PIK3C2G: variants seen among roughly 807,000 people sequenced by gnomAD.
PIK3C2G encodes phosphatidylinositol-4-phosphate 3-kinase catalytic subunit type 2 gamma.
Under a neutral mutation model 181.1 loss-of-function variants are expected in PIK3C2G, and 168 were observed. That is an observed-to-expected ratio of 0.93 (90% CI 0.82 to 1.05). The LOEUF (loss-of-function observed/expected upper bound fraction) is 1.05. Among genes scored for constraint, PIK3C2G ranks in the 50% least tolerant of loss-of-function variants. The pLI is 0.00. For synonymous variants in PIK3C2G, 573 were observed against 592.2 expected (o/e 0.97, Z 0.47); for missense variants, 1,869 against 1,732.8 (o/e 1.08, Z -1.40).
intron 18 of PIK3C2G, among the ~76,000 whole-genome samples, chr12:18,441,000 C>G (rs1195043789): frequency 6.6e-6 from 1 of 151,932 alleles, no homozygotes; most frequent in Non-Finnish European, 1.5e-5. Flanking sequence ...AAAAGAAGTC[C>G]AAATATTTAG....
chr12:18,596,833 T>A (rs886211542), intron 30 of PIK3C2G, among the ~76,000 whole-genome samples: 1 of 152,034 alleles, frequency 6.6e-6, no homozygotes, highest in African/African-American at 2.4e-5. Context: ...TATCCATGGG[T>A]TGAAGTATGG....
chr12:18,588,802 T>C (rs1324136844), intron 29 of PIK3C2G, among the ~76,000 whole-genome samples: 1 of 152,122 alleles, frequency 6.6e-6, no homozygotes. Context: ...TGTAGGCTTA[T>C]TGCAACACTA....
the PIK3C2G span, among the ~76,000 whole-genome samples, chr12:18,722,682 A>G: frequency 6.6e-6 from 1 of 152,062 alleles, no homozygotes; most frequent in Admixed American, 6.6e-5. Context: ...GTTTTTACCC[A>G]TTGAAAGATG....
intron 30 of PIK3C2G, among the ~76,000 whole-genome samples, chr12:18,595,631 CTAGT>C (rs1480178393): frequency 6.6e-6 from 1 of 152,104 alleles, no homozygotes; most frequent in Non-Finnish European, 1.5e-5. Flanking sequence ...TCTCTCTTCT[CTAGT>C]TAAACCTTCT....
At position 18,569,238 on chromosome 12, in the gene PIK3C2G, G is replaced by A. The variant is rs144283626; in HGVS notation, c.4011+2181G>A. On this transcript the variant is annotated intron_variant, in intron 29 of 32. Coordinates refer to ENST00000538779, the MANE Select transcript of PIK3C2G (RefSeq NM_001288772.2). ...AAGCTGACCTACCCTGAGTCTGCCC[G>A]GCAGAGAAACCAAAAAGATCAAATC... 9.2e-3 allele frequency among the ~76,000 whole-genome samples: 1,405 copies of A among 152,000 alleles called. 11 individuals carry two copies. Among genetic ancestry groups the A allele is most frequent in the Middle Eastern group, 0.041 (12 of 294 alleles).
At chr12:18,651,189 C>A (rs1565603396), downstream of PIK3C2G, among the ~76,000 whole-genome samples, 3 of 152,012 alleles carry the variant, frequency 2.0e-5, no homozygotes, top group Admixed American at 6.6e-5. Flanking sequence ...ACGCTTCATC[C>A]CTGGGATCTT....
the PIK3C2G span, chr12:18,723,573 T>C: frequency 6.6e-7 from 1 of 1,512,126 alleles, no homozygotes; most frequent in Non-Finnish European, 9.2e-7. Context: ...GGGCTCACAT[T>C]GTGAGTATAA....
At chr12:18,694,803 G>T in the PIK3C2G span, 327 of 936,814 alleles carry the variant, frequency 3.5e-4, 3 homozygotes, top group African/African-American at 4.9e-3. Context: ...AAGATTAACA[G>T]AAATTTAAAA....
chr12:18,677,180 T>A, the PIK3C2G span, among the ~76,000 whole-genome samples: 1 of 152,094 alleles, frequency 6.6e-6, no homozygotes, highest in Non-Finnish European at 1.5e-5. Context: ...CAACAGCAGA[T>A]CCTGGTCAGG....
downstream of PIK3C2G, among the ~76,000 whole-genome samples, chr12:18,650,758 A>G (rs1371436110): frequency 5.0e-3 from 504 of 101,354 alleles, 15 homozygotes; most frequent in African/African-American, 0.015. Flanking sequence ...ATATATATAT[A>G]TATATATTCC....
At chr12:18,425,494 C>T (rs7308210) in intron 18 of PIK3C2G, among the ~76,000 whole-genome samples, 35,076 of 148,076 alleles carry the variant, frequency 0.24, 4,347 homozygotes, top group Admixed American at 0.35. Context: ...CTGGTTCAAG[C>T]GATTCTTCTG....
chr12:18,461,323 G>C (rs1947909286), intron 18 of PIK3C2G, among the ~76,000 whole-genome samples: 1 of 152,028 alleles, frequency 6.6e-6, no homozygotes, highest in Non-Finnish European at 1.5e-5. Flanking sequence ...CCTGTTGTTG[G>C]ACATTCAAAC....
intron 31 of PIK3C2G, among the ~76,000 whole-genome samples, chr12:18,637,489 A>G (rs1034976949): frequency 6.6e-6 from 1 of 151,966 alleles, no homozygotes; most frequent in African/African-American, 2.4e-5. Flanking sequence ...GCTAGCCTAC[A>G]TCATGCGTCT....
At chr12:18,564,717 T>C (rs1294210875) in intron 28 of PIK3C2G, among the ~76,000 whole-genome samples, 4 of 152,090 alleles carry the variant, frequency 2.6e-5, no homozygotes, top group Non-Finnish European at 4.4e-5. Context: ...CAAAATCTGA[T>C]AGAATAACTG....
chr12:18,562,949 C>A, intron 27 of PIK3C2G, 57 bp downstream of exon 27: 1 of 1,131,162 alleles, frequency 8.8e-7, no homozygotes, highest in African/African-American at 1.5e-5. Context: ...TCTCAGACTT[C>A]TCTTCACTAT....
chr12:18,466,894 TTAA>T (rs1937941641), intron 18 of PIK3C2G, among the ~76,000 whole-genome samples: 1 of 151,972 alleles, frequency 6.6e-6, no homozygotes, highest in African/African-American at 2.4e-5. Context: ...ACAAACAGAA[TTAA>T]TAACTTCTTT....
At chr12:18,277,030 T>G (rs1314080723) in intron 1 of PIK3C2G, among the ~76,000 whole-genome samples, 1 of 151,462 alleles carries the variant, frequency 6.6e-6, no homozygotes, top group Non-Finnish European at 1.5e-5. Context: ...AAGCACCTCT[T>G]GTCTTCACTT....
intron 31 of PIK3C2G, among the ~76,000 whole-genome samples, chr12:18,626,822 C>T (rs984424869): frequency 2.0e-5 from 3 of 151,798 alleles, no homozygotes; most frequent in Non-Finnish European, 4.4e-5. Context: ...AGAATTTTTT[C>T]TTTGATTTTT....
At chr12:18,608,800 A>G (rs1386286389) in intron 30 of PIK3C2G, among the ~76,000 whole-genome samples, 2 of 152,142 alleles carry the variant, frequency 1.3e-5, no homozygotes, top group African/African-American at 4.8e-5. Context: ...TTCATAAGCA[A>G]TGGAAATCTC....
Sources: allele counts gnomAD v4.1 joint callset (sites outside exome capture counted in the v4.1 genomes callset), GRCh38; gene constraint gnomAD v4.1.1; transcripts MANE v1.5; gene names NCBI Gene and HGNC (gene_info 2026-07-23, HGNC 2026-07-21).